Variants in SLC17A4 observed in about 807,000 individuals in gnomAD.
SLC17A4 encodes the protein probable small intestine urate exporter.
A neutral mutation model predicts 52.5 loss-of-function variants in SLC17A4; 33 were observed. That is an observed-to-expected ratio of 0.63 (90% CI 0.48 to 0.84). The LOEUF (loss-of-function observed/expected upper bound fraction) is 0.84. SLC17A4 is among the 40% of genes least tolerant of loss of function. The pLI, the probability that SLC17A4 is intolerant of heterozygous loss-of-function variation, is 0.00. For missense variants in SLC17A4, 585 were observed against 597.1 expected (o/e 0.98, Z 0.21); for synonymous variants, 225 against 216.2 (o/e 1.04, Z -0.36).
Position 25,762,055 on chromosome 6 carries a change from T to C in SLC17A4, c.91+2T>C. Reference sequence around the variant, plus strand: ...CTCAAGAGGAATGCTCCAGGAAAGGTAAAATCATGCACAGTAATCTGGTAG... The same window carrying C: ...CTCAAGAGGAATGCTCCAGGAAAGGCAAAATCATGCACAGTAATCTGGTAG... On this transcript the variant is annotated splice_donor_variant, in intron 2 of 11. Coordinates refer to ENST00000377905, the MANE Select transcript of SLC17A4 (RefSeq NM_005495.3). LOFTEE classifies it high-confidence loss of function. The C allele has an allele frequency of 6.2e-7, 1 of 1,612,084 alleles. No individual in the cohort carries two copies. The highest frequency in any genetic ancestry group is 8.5e-7 in the Non-Finnish European group (1 of 1,178,950).
chr6:25,756,554 C>T (rs1450791402), intron 1 of SLC17A4, among the ~76,000 whole-genome samples: 1 of 152,152 alleles, frequency 6.6e-6, no homozygotes, highest in African/African-American at 2.4e-5. Flanking sequence ...ACTGTCTGTG[C>T]CTGCATCACG....
intron 2 of SLC17A4, among the ~76,000 whole-genome samples, chr6:25,764,713 G>A (rs1195536451): frequency 6.6e-6 from 1 of 152,180 alleles, no homozygotes; most frequent in Non-Finnish European, 1.5e-5. Context: ...GACCCCATGA[G>A]CCCCTCAAGG....
intron 10 of SLC17A4, chr6:25,777,327 G>T (rs1763007759): frequency 5.1e-6 from 1 of 195,878 alleles, no homozygotes; most frequent in African/African-American, 2.3e-5. Context: ...AAGGACACAG[G>T]ACTGCAGGAG....
intron 2 of SLC17A4, 95 bp from the exon 3 acceptor site, chr6:25,768,890 T>C: frequency 8.7e-7 from 1 of 1,151,536 alleles, no homozygotes; most frequent in East Asian, 2.4e-5. Context: ...TATTTCTGCA[T>C]CTCAGACAGA....
chr6:25,755,904 C>T (rs550379358), intron 1 of SLC17A4, among the ~76,000 whole-genome samples: 1 of 152,194 alleles, frequency 6.6e-6, no homozygotes, highest in African/African-American at 2.4e-5. Context: ...CTAGAAGTCT[C>T]TGATGATTCT....
chr6:25,757,613 T>C (rs1025902551), intron 1 of SLC17A4, among the ~76,000 whole-genome samples: 2 of 152,146 alleles, frequency 1.3e-5, no homozygotes, highest in African/African-American at 4.8e-5. Context: ...GTTGGTTTCT[T>C]GATCCCTTTC....
At chr6:25,759,685 T>C (rs970687055) in intron 1 of SLC17A4, among the ~76,000 whole-genome samples, 3 of 152,204 alleles carry the variant, frequency 2.0e-5, no homozygotes, top group African/African-American at 7.2e-5. Context: ...AAAAAAAGAA[T>C]AGCTACTCCT....
In SLC17A4 at chr6:25,769,156, A is replaced by T; in HGVS notation, c.263A>T (p.Tyr88Phe). The T allele has an allele frequency of 6.2e-7, 1 of 1,614,062 alleles. No homozygotes were observed. The highest frequency in any genetic ancestry group is 1.1e-5 in the South Asian group (1 of 91,082). ...TERPSTDSQG[Y>F]WNETLKEFKA... is the part of the protein sequence containing the mutation. ...CGGCCCTCCACTGACTCCCAGGGCT[A>T]CTGGAATGAAACTCTAAAAGAATTT... The change falls in exon 3 of 12, where the codon TAC (tyrosine) becomes TTC (phenylalanine). Residue 88 changes from tyrosine to phenylalanine, a missense_variant. Physicochemically the swap from Tyr to Phe is conservative, Grantham distance 22 (BLOSUM62 3). Transcript: ENST00000377905.
intron 1 of SLC17A4, among the ~76,000 whole-genome samples, chr6:25,759,795 T>C (rs912159982): frequency 6.6e-6 from 1 of 152,248 alleles, no homozygotes; most frequent in Non-Finnish European, 1.5e-5. Context: ...TTGAAGACTA[T>C]AGATACTTGG....
chr6:25,769,505 C>T (rs1007615676), intron 3 of SLC17A4, among the ~76,000 whole-genome samples: 7 of 150,010 alleles, frequency 4.7e-5, no homozygotes, highest in African/African-American at 9.9e-5. Flanking sequence ...TTGCAGTGAG[C>T]GGAGATCGTG....
intron 8 of SLC17A4, among the ~76,000 whole-genome samples, chr6:25,775,987 C>T (rs1467865578): frequency 6.6e-6 from 1 of 152,026 alleles, no homozygotes; most frequent in Admixed American, 6.6e-5. Context: ...TTTCTCATAC[C>T]TTTGTGCAAC....
chr6:25,774,447 T>C (rs940096852), intron 8 of SLC17A4, among the ~76,000 whole-genome samples: 1 of 152,182 alleles, frequency 6.6e-6, no homozygotes, highest in African/African-American at 2.4e-5. Flanking sequence ...ATGTGCTAAG[T>C]AGCCAACAGA....
At chr6:25,759,982 T>C (rs966822803) in intron 1 of SLC17A4, among the ~76,000 whole-genome samples, 1 of 152,230 alleles carries the variant, frequency 6.6e-6, no homozygotes, top group Admixed American at 6.5e-5. Flanking sequence ...CTGAAACATA[T>C]TATTCTGTGT....
intron 2 of SLC17A4, among the ~76,000 whole-genome samples, chr6:25,767,252 T>A (rs1264701855): frequency 6.6e-6 from 1 of 152,200 alleles, no homozygotes; most frequent in Non-Finnish European, 1.5e-5. Flanking sequence ...CTCAACTATA[T>A]ATACTAAATA....
At position 25,762,062 on chromosome 6, in the gene SLC17A4, A is replaced by G. The variant is rs1761586313; in HGVS notation, c.91+9A>G. ...GGAATGCTCCAGGAAAGGTAAAATC[A>G]TGCACAGTAATCTGGTAGTAAATAA... On this transcript the variant is annotated intron_variant, in intron 2 of 11. Coordinates refer to ENST00000377905, the MANE Select transcript of SLC17A4 (RefSeq NM_005495.3). The G allele has an allele frequency of 6.2e-7, 1 of 1,610,398 alleles. No individual in the cohort carries two copies. Among genetic ancestry groups the G allele is most frequent in the Admixed American group, 1.7e-5 (1 of 59,788 alleles).
At chr6:25,769,910 T>C (rs766858049) in intron 3 of SLC17A4, among the ~76,000 whole-genome samples, 157 bp from the exon 4 acceptor site, 1 of 152,166 alleles carries the variant, frequency 6.6e-6, no homozygotes, top group East Asian at 1.9e-4. Flanking sequence ...TGGGCATATA[T>C]TTAGGGTTTT....
chr6:25,761,895 C>T, intron 1 of SLC17A4, 32 bp from the exon 2 acceptor site: 2 of 1,285,760 alleles, frequency 1.6e-6, no homozygotes, highest in Non-Finnish European at 2.2e-6. Context: ...AAGATTCTCC[C>T]TGTATTTTCT....
Position 25,769,022 on chromosome 6 carries a change from G to A in SLC17A4, c.129G>A (p.Leu43=). 6.2e-7 allele frequency: 1 copy of A among 1,613,966 alleles called. No homozygotes were observed. Among genetic ancestry groups the A allele is most frequent in the East Asian group, 2.2e-5 (1 of 44,868 alleles). Residue 43 remains leucine (L), a synonymous_variant, in exon 3 of 12, where the codon TTG becomes TTA. Coordinates refer to ENST00000377905, the MANE Select transcript of SLC17A4 (RefSeq NM_005495.3). Reference sequence around the variant, plus strand: ...TCCGACATGGGCTGGCCCTCATCTTGCAGCTCTGTAATTTTTCAATTTACA... The same window carrying A: ...TCCGACATGGGCTGGCCCTCATCTTACAGCTCTGTAATTTTTCAATTTACA... The part of the protein sequence containing the change: ...CSVRHGLALI[L]QLCNFSIYTQ...
chr6:25,758,047 G>A (rs558044962), intron 1 of SLC17A4, among the ~76,000 whole-genome samples: 20 of 152,300 alleles, frequency 1.3e-4, no homozygotes, highest in African/African-American at 4.8e-4. Context: ...GCTGCCGTGG[G>A]ACGTATCACA....
Sources: gnomAD v4.1 joint callset for allele counts (sites outside exome capture counted in the v4.1 genomes callset) on GRCh38, gnomAD v4.1.1 for gene constraint, MANE v1.5 for transcripts, NCBI Gene and HGNC (gene_info 2026-07-23, HGNC 2026-07-21) for gene names.